Variants in NAALADL2 observed in about 807,000 individuals in gnomAD.
NAALADL2 encodes N-acetylated alpha-linked acidic dipeptidase like 2, also known as inactive N-acetylated-alpha-linked acidic dipeptidase-like protein 2.
NAALADL2 carries 76 observed loss-of-function variants against 87.2 expected under a neutral mutation model. The observed-to-expected ratio is 0.87, with a 90% CI of 0.72 to 1.05. The LOEUF (loss-of-function observed/expected upper bound fraction) is 1.05, where lower values mean the gene tolerates loss of function less well. Among genes scored for constraint, NAALADL2 ranks in the 50% least tolerant of loss-of-function variants. The pLI is 0.00. For synonymous variants in NAALADL2, 354 were observed against 331.0 expected (o/e 1.07, Z -0.75); for missense variants, 1,089 against 945.8 (o/e 1.15, Z -1.99).
At chr3:175,416,285 G>T (rs1281488381) in intron 5 of NAALADL2, among the ~76,000 whole-genome samples, 2 of 151,500 alleles carry the variant, frequency 1.3e-5, no homozygotes, top group African/African-American at 4.8e-5. Flanking sequence ...TATTTACAGT[G>T]TTGTGTTGTG....
At chr3:175,312,755 A>T (rs1758542404) in intron 4 of NAALADL2, among the ~76,000 whole-genome samples, 1 of 152,214 alleles carries the variant, frequency 6.6e-6, no homozygotes, top group African/African-American at 2.4e-5. Flanking sequence ...AGAGAATTAT[A>T]GTAACTTATA....
At chr3:175,429,101 T>C (rs1431214714) in intron 5 of NAALADL2, among the ~76,000 whole-genome samples, 2 of 151,852 alleles carry the variant, frequency 1.3e-5, no homozygotes, top group Non-Finnish European at 2.9e-5. Context: ...TGTATTGTGT[T>C]GTTTTAGAAT....
At chr3:174,974,236 C>T (rs529879513) in intron 1 of NAALADL2, among the ~76,000 whole-genome samples, 29 of 152,228 alleles carry the variant, frequency 1.9e-4, no homozygotes, top group South Asian at 8.3e-4. Context: ...TAAAACTGTC[C>T]GGTTAAACTC....
At chr3:175,636,193 C>A in intron 11 of NAALADL2, among the ~76,000 whole-genome samples, 1 of 143,978 alleles carries the variant, frequency 6.9e-6, no homozygotes, top group Non-Finnish European at 1.5e-5. Flanking sequence ...TCGGAAAATC[C>A]TAAATTGTGT....
At chr3:174,783,907 A>G (rs533779424) in intron 3 of NAALADL2, among the ~76,000 whole-genome samples, 14 of 152,212 alleles carry the variant, frequency 9.2e-5, no homozygotes, top group African/African-American at 3.1e-4. Flanking sequence ...TAGAGTTGAG[A>G]ACCATCATGA....
At chr3:174,546,720 C>T (rs1334095174) in intron 1 of NAALADL2, among the ~76,000 whole-genome samples, 2 of 152,098 alleles carry the variant, frequency 1.3e-5, no homozygotes, top group South Asian at 2.1e-4. Flanking sequence ...CGCAGTGGAG[C>T]GATCTTGGCT....
intron 1 of NAALADL2, among the ~76,000 whole-genome samples, chr3:174,882,645 GCATATACA>G (rs1446690667): frequency 7.0e-6 from 1 of 143,870 alleles, no homozygotes; most frequent in Non-Finnish European, 1.5e-5. Context: ...ACACATATGT[GCATATACA>G]CATATGTGCA....
chr3:174,644,134 A>C (rs1653337557), intron 2 of NAALADL2, among the ~76,000 whole-genome samples: 1 of 152,244 alleles, frequency 6.6e-6, no homozygotes, highest in Non-Finnish European at 1.5e-5. Flanking sequence ...TTCACTAAAA[A>C]TCATTGATAA....
At chr3:174,777,563 T>C (rs891830728) in intron 3 of NAALADL2, among the ~76,000 whole-genome samples, 14 of 152,100 alleles carry the variant, frequency 9.2e-5, no homozygotes, top group Admixed American at 9.2e-4. Flanking sequence ...AAAGTACATA[T>C]CTTGAAGATG....
At chr3:174,873,191 CTCTG>C (rs1168015687) in intron 1 of NAALADL2, among the ~76,000 whole-genome samples, 22 of 141,244 alleles carry the variant, frequency 1.6e-4, no homozygotes, top group African/African-American at 2.1e-4. Flanking sequence ...AACTCACTCT[CTCTG>C]TCTGTCTCTC....
chr3:175,440,402 T>G (rs997268351), intron 5 of NAALADL2, among the ~76,000 whole-genome samples: 1 of 152,186 alleles, frequency 6.6e-6, no homozygotes, highest in Admixed American at 6.6e-5. Flanking sequence ...TTAGAATTTT[T>G]TTTTCTAGTT....
chr3:174,688,733 ATTGTT>A (rs1728279617), intron 2 of NAALADL2, among the ~76,000 whole-genome samples: 1 of 152,096 alleles, frequency 6.6e-6, no homozygotes, highest in Non-Finnish European at 1.5e-5. Flanking sequence ...TAGCAATTGT[ATTGTT>A]TTAAGGGAGA....
At chr3:174,933,270 T>A (rs1737192708) in intron 1 of NAALADL2, among the ~76,000 whole-genome samples, 1 of 152,230 alleles carries the variant, frequency 6.6e-6, no homozygotes. Flanking sequence ...TGTCTTAATG[T>A]CAGCCTTTTC....
chr3:174,915,663 T>A (rs903743681), intron 1 of NAALADL2, among the ~76,000 whole-genome samples: 14 of 152,176 alleles, frequency 9.2e-5, no homozygotes, highest in Non-Finnish European at 1.9e-4. Flanking sequence ...TTGAATTTTA[T>A]CATATGATAC....
At chr3:175,058,361 T>C (rs1712679887) in intron 1 of NAALADL2, among the ~76,000 whole-genome samples, 1 of 152,196 alleles carries the variant, frequency 6.6e-6, no homozygotes, top group African/African-American at 2.4e-5. Flanking sequence ...TATTTATTGG[T>C]TATTCACACA....
intron 3 of NAALADL2, among the ~76,000 whole-genome samples, chr3:174,747,621 C>CAAAAAAA (rs150843588): frequency 1.9e-3 from 74 of 38,514 alleles, no homozygotes; most frequent in Non-Finnish European, 2.3e-3. Context: ...GACCCCATCT[C>CAAAAAAA]AAAAAAAAAA....
At chr3:174,495,239 T>C (rs1718451096) in intron 1 of NAALADL2, among the ~76,000 whole-genome samples, 1 of 128,292 alleles carries the variant, frequency 7.8e-6, no homozygotes, top group Admixed American at 8.6e-5. Flanking sequence ...TAGAGTTGCT[T>C]AAGGAAAGCT....
intron 3 of NAALADL2, among the ~76,000 whole-genome samples, chr3:174,756,799 A>G (rs561397966): frequency 3.3e-5 from 5 of 152,314 alleles, no homozygotes; most frequent in East Asian, 3.9e-4. Flanking sequence ...GTTCTCATAC[A>G]TGCTCTGGCT....
At chr3:175,467,522 T>G (rs1724263857) in intron 8 of NAALADL2, among the ~76,000 whole-genome samples, 2 of 152,226 alleles carry the variant, frequency 1.3e-5, no homozygotes, top group African/African-American at 4.8e-5. Flanking sequence ...TTATTATTTT[T>G]CTTTTTCTAC....
Sources: allele counts gnomAD v4.1 joint callset (sites outside exome capture counted in the v4.1 genomes callset), GRCh38; gene constraint gnomAD v4.1.1; transcripts MANE v1.5; gene names NCBI Gene and HGNC (gene_info 2026-07-23, HGNC 2026-07-21).